Variants in L2HGDH observed in about 807,000 individuals in gnomAD.
L2HGDH encodes the protein L-2-hydroxyglutarate dehydrogenase.
L2HGDH carries 34 observed loss-of-function variants against 51.5 expected under a neutral mutation model. That is an observed-to-expected ratio of 0.66 (90% confidence interval 0.50 to 0.88). The LOEUF (loss-of-function observed/expected upper bound fraction) is 0.88, where lower values mean the gene tolerates loss of function less well. L2HGDH is among the 40% of genes least tolerant of loss of function. The pLI, the probability that L2HGDH is intolerant of heterozygous loss-of-function variation, is 0.00. For synonymous variants in L2HGDH, 198 were observed against 197.9 expected, an observed-to-expected ratio of 1.00 and a Z score of -0.01; for missense variants, 558 against 571.9, an observed-to-expected ratio of 0.98 and a Z score of 0.25.
chr14:50,271,494 T>C (rs1476124480), intron 6 of L2HGDH, among the ~76,000 whole-genome samples: 2 of 152,236 alleles, frequency 1.3e-5, no homozygotes, highest in Non-Finnish European at 2.9e-5. Context: ...CATATTAATT[T>C]TACCTCCAAA....
At chr14:50,275,318 T>A (rs182403140) in intron 6 of L2HGDH, among the ~76,000 whole-genome samples, 36 of 152,358 alleles carry the variant, frequency 2.4e-4, no homozygotes, top group Admixed American at 2.0e-3. Flanking sequence ...GAGTGCTCAA[T>A]CTGCCAATAG....
At chr14:50,253,012 C>T (rs1248705043) in intron 9 of L2HGDH, among the ~76,000 whole-genome samples, 2 of 152,086 alleles carry the variant, frequency 1.3e-5, no homozygotes, top group African/African-American at 4.8e-5. Context: ...GGATCATTCT[C>T]AGGGATAGAC....
rs767060806 is a variant in L2HGDH, at chr14:50,302,890, T to C, written c.256+12A>G. ...AAGTAAGCCCAAAGAACAACATTGA[T>C]TATATACATACCTAAATCTTTCTCC... is the stretch of plus-strand genomic sequence containing the variant. On this transcript the variant is annotated intron_variant, in intron 2 of 9. Coordinates refer to ENST00000267436, the MANE Select transcript of L2HGDH (RefSeq NM_024884.3). The C allele has an allele frequency of 2.6e-6, 4 of 1,550,886 alleles. No individual in the cohort carries two copies. Among genetic ancestry groups the C allele is most frequent in the Non-Finnish European group, 3.6e-6 (4 of 1,122,510 alleles).
chr14:50,254,079 C>T (rs559845510), intron 9 of L2HGDH, among the ~76,000 whole-genome samples: 2 of 151,950 alleles, frequency 1.3e-5, no homozygotes, highest in South Asian at 4.2e-4. Flanking sequence ...TAATGGATAC[C>T]TCCCCCCAAA....
At chr14:50,247,300 A>G in intron 9 of L2HGDH, 47 bp from the exon 10 acceptor site, 1 of 1,593,866 alleles carries the variant, frequency 6.3e-7, no homozygotes, top group Non-Finnish European at 8.6e-7. Flanking sequence ...GACATAGGAT[A>G]CTTTACAAGT....
At chr14:50,280,015 G>A (rs922166156) in intron 5 of L2HGDH, among the ~76,000 whole-genome samples, 3 of 150,432 alleles carry the variant, frequency 2.0e-5, no homozygotes, top group African/African-American at 7.3e-5. Flanking sequence ...AGCCAAGATC[G>A]TGCCATTGCA....
intron 9 of L2HGDH, among the ~76,000 whole-genome samples, chr14:50,257,257 CT>C (rs1888722467): frequency 1.3e-5 from 2 of 152,012 alleles, no homozygotes; most frequent in Non-Finnish European, 2.9e-5. Flanking sequence ...ATGGATACAT[CT>C]TTATCTTGCA....
chr14:50,259,366 G>GTTTTT (rs34041934), intron 9 of L2HGDH, among the ~76,000 whole-genome samples: 1 of 130,696 alleles, frequency 7.7e-6, no homozygotes, highest in Non-Finnish European at 1.6e-5. Flanking sequence ...TTCTTTTTCG[G>GTTTTT]TTTTTTTTTT....
At chr14:50,253,702 A>T (rs1888494599) in intron 9 of L2HGDH, among the ~76,000 whole-genome samples, 1 of 152,112 alleles carries the variant, frequency 6.6e-6, no homozygotes, top group Admixed American at 6.6e-5. Flanking sequence ...AAAGAAAGGA[A>T]ATCAGTGTAT....
At chr14:50,311,859 G>T in intron 1 of L2HGDH, 152 bp downstream of exon 1, 1 of 1,031,928 alleles carries the variant, frequency 9.7e-7, no homozygotes, top group Non-Finnish European at 1.4e-6. Context: ...CTGCAGGTTG[G>T]TAGCTCCTGG....
intron 4 of L2HGDH, among the ~76,000 whole-genome samples, chr14:50,292,773 T>A (rs1801850475): frequency 1.3e-5 from 2 of 151,678 alleles, no homozygotes; most frequent in African/African-American, 4.8e-5. Context: ...TAATCCCAGC[T>A]ACTAGAGAGG....
intron 1 of L2HGDH, chr14:50,311,179 C>T (rs1336515390): frequency 8.4e-6 from 3 of 357,198 alleles, no homozygotes; most frequent in Non-Finnish European, 1.7e-5. Context: ...TGACCTCAGG[C>T]GATCCGCCCG....
In L2HGDH at chr14:50,243,862, G is replaced by A. The variant is rs1425023310; in HGVS notation, c.*3196C>T. ...CCCACCCCACAACAGTCCCCAGAGT[G>A]TGATGTTCCCCTTCCTGTGTCCATG... On this transcript the variant is annotated 3_prime_UTR_variant, in exon 10 of 10. Transcript: ENST00000267436. The A allele has an allele frequency of 1.7e-5, 2 of 118,364 alleles. No homozygotes were observed. The highest frequency in any genetic ancestry group is 3.3e-5 in the Non-Finnish European group (2 of 60,624). 7.3% of individuals were successfully genotyped at this position (118,364 alleles called of 1,614,324 possible).
intron 1 of L2HGDH, among the ~76,000 whole-genome samples, chr14:50,305,417 T>C (rs2030668288): frequency 6.6e-6 from 1 of 152,192 alleles, no homozygotes; most frequent in South Asian, 2.1e-4. Flanking sequence ...AAATTACTAA[T>C]GTGATCAGAA....
At chr14:50,277,338 G>A (rs936422948) in intron 6 of L2HGDH, among the ~76,000 whole-genome samples, 1 of 152,018 alleles carries the variant, frequency 6.6e-6, no homozygotes, top group Non-Finnish European at 1.5e-5. Context: ...TATAAGGGGC[G>A]TGGACAGATG....
At chr14:50,293,145 G>T in intron 4 of L2HGDH, 1 of 685,964 alleles carries the variant, frequency 1.5e-6, no homozygotes, top group Non-Finnish European at 2.6e-6. Context: ...AAACATTATG[G>T]TAGTAGCACA....
At chr14:50,281,009 G>T (rs1380148553) in intron 5 of L2HGDH, among the ~76,000 whole-genome samples, 4 of 151,978 alleles carry the variant, frequency 2.6e-5, no homozygotes, top group African/African-American at 7.2e-5. Context: ...TAGAGGCAGG[G>T]TCTCGCTATG....
chr14:50,302,851 A>T, intron 2 of L2HGDH, 51 bp downstream of exon 2: 1 of 1,177,972 alleles, frequency 8.5e-7, no homozygotes, highest in Non-Finnish European at 1.3e-6. Context: ...AACAGACAAA[A>T]TGAGCAGATG....
Position 50,243,183 on chromosome 14 carries a change from C to T in L2HGDH, c.*3875G>A. The T allele has an allele frequency of 1.0e-6, 1 of 985,316 alleles. No individual in the cohort carries two copies. The highest frequency in any genetic ancestry group is 1.7e-5 in the African/African-American group (1 of 57,360). The allele number at this position is 985,316 out of a possible 1,614,324, so 61.0% of individuals were successfully genotyped here. ...ATCAAGGGAAGGACTTTGATATACA[C>T]ATATATGTATGGATAAAAGAGTTAA... On this transcript the variant is annotated 3_prime_UTR_variant, in exon 10 of 10. Transcript: ENST00000267436.
Sources: gnomAD v4.1 joint callset for allele counts (sites outside exome capture counted in the v4.1 genomes callset) on GRCh38, gnomAD v4.1.1 for gene constraint, MANE v1.5 for transcripts, NCBI Gene and HGNC (gene_info 2026-07-23, HGNC 2026-07-21) for gene names.